Variants in HSPA14 observed in about 807,000 individuals in gnomAD.
HSPA14 encodes heat shock protein family A (Hsp70) member 14.
In HSPA14, 37 loss-of-function variants were observed where a neutral mutation model predicts 65.5. The ratio of observed to expected loss-of-function variants is 0.56; its 90% CI spans 0.43 to 0.74. The LOEUF is 0.74. Among genes scored for constraint, HSPA14 ranks in the 30% least tolerant of loss-of-function variants. The pLI is 0.00. For missense variants in HSPA14, 564 were observed against 607.6 expected (o/e 0.93, Z 0.75); for synonymous variants, 203 against 214.2 (o/e 0.95, Z 0.46).
At chr10:14,868,222 T>C (rs1372926133) in intron 12 of HSPA14, among the ~76,000 whole-genome samples, 1 of 152,166 alleles carries the variant, frequency 6.6e-6, no homozygotes, top group Non-Finnish European at 1.5e-5. Flanking sequence ...TAAATGCACA[T>C]TATTGTGTAC....
chr10:14,839,231 G>A (rs1833936758), intron 1 of HSPA14, among the ~76,000 whole-genome samples: 1 of 152,196 alleles, frequency 6.6e-6, no homozygotes, highest in African/African-American at 2.4e-5. Context: ...AATGTCAAAT[G>A]ACTTGTTAGG....
At position 14,846,505 on chromosome 10, in the gene HSPA14, G is replaced by A. The variant is rs1282397776; in HGVS notation, c.222-2104G>A. The stretch of plus-strand genomic sequence containing the variant: ...TAAAAATATTAAGGGGAGGGAAATT[G>A]GAATACAGGGAGACAGTGTGCAAGA... On this transcript the variant is annotated intron_variant, in intron 3 of 13. Coordinates refer to ENST00000378372, the MANE Select transcript of HSPA14 (RefSeq NM_016299.4). The A allele has an allele frequency of 9.1e-6, 9 of 985,176 alleles. No individual in the cohort carries two copies. The Middle Eastern group carries it at 1.5e-3, about 170-fold the overall frequency. The allele number at this position is 985,176 out of a possible 1,614,324, so 61.0% of individuals were successfully genotyped here.
In HSPA14 at chr10:14,842,842, T is replaced by G; in HGVS notation, c.221+2685T>G. On this transcript the variant is annotated intron_variant, in intron 3 of 13. Coordinates refer to ENST00000378372, the MANE Select transcript of HSPA14 (RefSeq NM_016299.4). The surrounding 1 kb of genome is among the most constrained non-coding windows in gnomAD (Gnocchi z 5.2). The stretch of plus-strand genomic sequence containing the variant: ...AGGACTCCTGGGATGAATCCTCGGG[T>G]GCAGGTAACTCCCAAGCATGTGAAG... 1 of 1,528,270 alleles carries G rather than the reference T, an allele frequency of 6.5e-7. No individual in the cohort carries two copies. Among genetic ancestry groups the G allele is most frequent in the Non-Finnish European group, 8.8e-7 (1 of 1,142,286 alleles). The allele number at this position is 1,528,270 out of a possible 1,614,324, so 94.7% of individuals were successfully genotyped here. A position where few individuals can be genotyped will look rare whatever the true frequency, so the allele number is the denominator to read the frequency against.
At chr10:14,859,347 TGG>T (rs1832733323) in intron 10 of HSPA14, among the ~76,000 whole-genome samples, 1 of 152,220 alleles carries the variant, frequency 6.6e-6, no homozygotes, top group Admixed American at 6.5e-5. Context: ...GTTTGGTACC[TGG>T]AATCCTATGC....
At chr10:14,865,218 A>C (rs898131009) in intron 10 of HSPA14, among the ~76,000 whole-genome samples, 1 of 152,128 alleles carries the variant, frequency 6.6e-6, no homozygotes, top group Non-Finnish European at 1.5e-5. Context: ...GATTGTGGAT[A>C]TTAGCCCTTT....
chr10:14,838,361 G>C lies in HSPA14; in HGVS notation c.-42G>C. On this transcript the variant is annotated 5_prime_UTR_variant, in exon 1 of 14. Transcript: ENST00000378372. ...TGGGCGGCCGGTAGCTGTTGCTGTT[G>C]GGGGACCCCCTCATTCCTGCCGCTG... 1 of 1,568,372 alleles carries C rather than the reference G, an allele frequency of 6.4e-7. No homozygotes were observed. The highest frequency in any genetic ancestry group is 8.6e-7 in the Non-Finnish European group (1 of 1,158,526).
rs1474479745 is a variant in HSPA14, at chr10:14,852,351, ACTTT to A, written c.573-18_573-15del. The A allele has an allele frequency of 1.2e-6, 2 of 1,603,688 alleles. No homozygotes were observed. The highest frequency in any genetic ancestry group is 1.3e-5 in the African/African-American group (1 of 74,604). ...TTAAAATGTTATTCCCTGATAACTT[ACTTT>A]ATCTTCTCTTGAAGCAATATTTTGG... On this transcript the variant is annotated splice_polypyrimidine_tract_variant and intron_variant, in intron 7 of 13. Transcript: ENST00000378372.
chr10:14,868,730 G>T (rs748334898), intron 12 of HSPA14, among the ~76,000 whole-genome samples: 8 of 152,182 alleles, frequency 5.3e-5, no homozygotes, highest in Non-Finnish European at 1.0e-4. Flanking sequence ...ACCAAGAGGG[G>T]TTTTTTGACT....
chr10:14,843,416 T>C (rs1564319663), intron 3 of HSPA14: 1 of 1,550,882 alleles, frequency 6.4e-7, no homozygotes, highest in Non-Finnish European at 8.7e-7. Context: ...CACAGCCTTT[T>C]CAGAGGTGCA....
intron 10 of HSPA14, among the ~76,000 whole-genome samples, chr10:14,862,961 G>T (rs1333261036): frequency 1.3e-5 from 2 of 152,200 alleles, no homozygotes; most frequent in African/African-American, 4.8e-5. Flanking sequence ...TGGGATTACA[G>T]GTGTGAGCCA....
rs115483874 is a variant in HSPA14, at chr10:14,852,828, G to A, written c.734+297G>A. On this transcript the variant is annotated intron_variant, in intron 8 of 13. Coordinates refer to ENST00000378372, the MANE Select transcript of HSPA14 (RefSeq NM_016299.4). ...TTCTTCATGTAGTGCTCTTCTGTCT[G>A]GTTAAAGGAGTGTATAGGCACTGAG... 1.2e-3 allele frequency among the ~76,000 whole-genome samples: 189 copies of A among 152,280 alleles called. 2 individuals carry two copies. The highest frequency in any genetic ancestry group is 4.4e-3 in the African/African-American group (183 of 41,570).
chr10:14,843,502 C>CGCA, intron 3 of HSPA14: 1 of 1,550,662 alleles, frequency 6.4e-7, no homozygotes, highest in Non-Finnish European at 8.7e-7. Flanking sequence ...CAGCACCAAC[C>CGCA]GCAGCACTCC....
chr10:14,867,702 C>A, intron 11 of HSPA14, 34 bp from the exon 12 acceptor site: 1 of 1,575,048 alleles, frequency 6.3e-7, no homozygotes, highest in Non-Finnish European at 8.6e-7. Flanking sequence ...AAGATAAATA[C>A]CAAAGAGTAT....
chr10:14,848,050 T>G (rs1834075726), intron 3 of HSPA14, among the ~76,000 whole-genome samples: 1 of 152,256 alleles, frequency 6.6e-6, no homozygotes, highest in Non-Finnish European at 1.5e-5. Flanking sequence ...TAACGTGAGA[T>G]AATGTACGTG....
chr10:14,861,213 G>T (rs1564325264), intron 10 of HSPA14, among the ~76,000 whole-genome samples: 2 of 152,136 alleles, frequency 1.3e-5, no homozygotes, highest in African/African-American at 4.8e-5. Flanking sequence ...TGTTACAAGG[G>T]CAATAGGAAA....
chr10:14,848,700 T>C, intron 4 of HSPA14, 43 bp downstream of exon 4: 1 of 1,512,320 alleles, frequency 6.6e-7, no homozygotes, highest in Non-Finnish European at 9.1e-7. Context: ...CATAGAGTAA[T>C]TACCAAGGTG....
intron 7 of HSPA14, 112 bp from the exon 8 acceptor site, chr10:14,852,258 G>A (rs1229226600): frequency 2.6e-5 from 22 of 853,154 alleles, no homozygotes; most frequent in Non-Finnish European, 4.1e-5. Flanking sequence ...ATTCACCTGA[G>A]ATTTTCTATT....
At chr10:14,868,869 C>T (rs981768256) in intron 12 of HSPA14, among the ~76,000 whole-genome samples, 47 of 152,116 alleles carry the variant, frequency 3.1e-4, no homozygotes, top group African/African-American at 1.0e-3. Context: ...TTTTTTGAGA[C>T]GGAGTCTCGC....
At chr10:14,867,679 T>C (rs1832819183) in intron 11 of HSPA14, 57 bp from the exon 12 acceptor site, 1 of 1,497,414 alleles carries the variant, frequency 6.7e-7, no homozygotes. Context: ...ATGGGAAGTT[T>C]TTTTCAATTG....
Sources: gnomAD v4.1 joint callset for allele counts (sites outside exome capture counted in the v4.1 genomes callset) on GRCh38, gnomAD v4.1.1 for gene constraint, Gnocchi (gnomAD v3.1) non-coding constraint, MANE v1.5 for transcripts, NCBI Gene and HGNC (gene_info 2026-07-23, HGNC 2026-07-21) for gene names.